ST7L: variants seen among roughly 807,000 people sequenced by gnomAD.
ST7L encodes suppressor of tumorigenicity 7 protein-like.
Under a neutral mutation model 72.5 loss-of-function variants are expected in ST7L, and 57 were observed. The ratio of observed to expected loss-of-function variants is 0.79; its 90% CI spans 0.64 to 0.98. ST7L has a LOEUF of 0.98. ST7L is among the 50% of genes least tolerant of loss of function. The pLI, the probability that ST7L is intolerant of heterozygous loss-of-function variation, is 0.00. For synonymous variants in ST7L, 221 were observed against 240.9 expected, an observed-to-expected ratio of 0.92 and a Z score of 0.77; for missense variants, 576 against 672.2, an observed-to-expected ratio of 0.86 and a Z score of 1.58.
chr1:112,519,584 C>G (rs1264204203), downstream of ST7L, among the ~76,000 whole-genome samples: 1 of 152,058 alleles, frequency 6.6e-6, no homozygotes, highest in Non-Finnish European at 1.5e-5. Flanking sequence ...AAAACATGAT[C>G]CCTATCCTAG....
chr1:112,604,177 C>T (rs562482190), intron 3 of ST7L, among the ~76,000 whole-genome samples: 3 of 152,142 alleles, frequency 2.0e-5, no homozygotes, highest in East Asian at 1.9e-4. Context: ...GGTATGGTGG[C>T]GCATGCTTGT....
chr1:112,584,266 T>C lies in ST7L; in HGVS notation c.702-140A>G, dbSNP rs1028886699. ...GAAAAAAAAAAACCTTCGTTCAATA[T>C]TTTACCTTAATAGGGGCACATTGGT... is the stretch of plus-strand genomic sequence containing the variant. On this transcript the variant is annotated intron_variant, in intron 6 of 14. Coordinates refer to ENST00000358039, the MANE Select transcript of ST7L (RefSeq NM_017744.5). The C allele has an allele frequency of 1.1e-5, 9 of 848,008 alleles. No homozygotes were observed. The East Asian group carries it at 2.6e-4, about 25-fold the overall frequency. The allele number at this position is 848,008 out of a possible 1,614,324, so 52.5% of individuals were successfully genotyped here. A position where few individuals can be genotyped will look rare whatever the true frequency, so the allele number is the denominator to read the frequency against.
intron 3 of ST7L, among the ~76,000 whole-genome samples, chr1:112,608,393 G>A (rs949803458): frequency 6.6e-6 from 1 of 151,858 alleles, no homozygotes; most frequent in Non-Finnish European, 1.5e-5. Flanking sequence ...AAGAATAACT[G>A]ACCACTCTTT....
upstream of ST7L, chr1:112,619,579 A>G: frequency 1.9e-6 from 1 of 534,024 alleles, no homozygotes; most frequent in Admixed American, 3.6e-5. Flanking sequence ...ACACGCTGCC[A>G]GCGCCCATTA....
At chr1:112,551,189 C>T (rs531856746) in intron 12 of ST7L, among the ~76,000 whole-genome samples, 6 of 125,238 alleles carry the variant, frequency 4.8e-5, no homozygotes, top group African/African-American at 6.4e-5. Context: ...TGCTCTGTTG[C>T]CCAGGCTGGA....
At chr1:112,599,664 T>C (rs937251028) in intron 4 of ST7L, among the ~76,000 whole-genome samples, 1 of 152,210 alleles carries the variant, frequency 6.6e-6, no homozygotes, top group Non-Finnish European at 1.5e-5. Flanking sequence ...TATTTTCTAA[T>C]GCATCCTCAA....
chr1:112,540,841 G>C (rs1481585263), intron 14 of ST7L: 10 of 1,288,892 alleles, frequency 7.8e-6, no homozygotes, highest in Non-Finnish European at 1.0e-5. Flanking sequence ...TAATTAATCA[G>C]CATTTTCTTT....
chr1:112,569,382 T>G (rs1342690230), intron 11 of ST7L, among the ~76,000 whole-genome samples: 1 of 152,134 alleles, frequency 6.6e-6, no homozygotes, highest in Non-Finnish European at 1.5e-5. Flanking sequence ...AGCCATAAAA[T>G]GAAGGAAGTA....
At chr1:112,583,456 A>C (rs1029119094) in intron 7 of ST7L, among the ~76,000 whole-genome samples, 6 of 152,332 alleles carry the variant, frequency 3.9e-5, no homozygotes, top group Middle Eastern at 3.4e-3. Flanking sequence ...ATCATGGAGA[A>C]AAATCAACCA....
chr1:112,542,240 A>G, intron 13 of ST7L, 150 bp from the exon 14 acceptor site: 1 of 739,630 alleles, frequency 1.4e-6, no homozygotes, highest in Non-Finnish European at 2.1e-6. Flanking sequence ...GAAGACAGTT[A>G]TCCATTATTT....
intron 3 of ST7L, among the ~76,000 whole-genome samples, chr1:112,602,083 CA>C (rs71584754): frequency 0.058 from 5,142 of 88,532 alleles, 113 homozygotes; most frequent in African/African-American, 0.14. Context: ...AAACTCCATC[CA>C]AAAAAAAAAA....
chr1:112,563,993 G>T (rs987334832), intron 11 of ST7L, among the ~76,000 whole-genome samples: 6 of 152,160 alleles, frequency 3.9e-5, no homozygotes, highest in Non-Finnish European at 7.3e-5. Flanking sequence ...CTCTTGATCA[G>T]TCATGCACAC....
At chr1:112,517,976 ACCAAT>A in the ST7L span, 1 of 152,756 alleles carries the variant, frequency 6.5e-6, no homozygotes, top group African/African-American at 2.4e-5. Flanking sequence ...CAGAGAACAG[ACCAAT>A]CTGCTGGGTA....
chr1:112,616,827 A>AT lies in ST7L; in HGVS notation c.273dup (p.Ser92IlefsTer8), dbSNP rs777329439. 6.2e-7 allele frequency: 1 copy of AT among 1,601,658 alleles called. No homozygotes were observed. The highest frequency in any genetic ancestry group is 1.7e-5 in the Admixed American group (1 of 57,988). Reference sequence around the variant, plus strand: ...AAACTACTTACAAATATTAGTCCTGATATCAATGAAGAGGTCCCTGTAAGT... The same window carrying AT: ...AAACTACTTACAAATATTAGTCCTGATTATCAATGAAGAGGTCCCTGTAAGT... On this transcript the variant is annotated frameshift_variant, in exon 2 of 15. Transcript: ENST00000358039. LOFTEE classifies it high-confidence loss of function.
chr1:112,618,820 G>T, intron 1 of ST7L, 89 bp downstream of exon 1: 1 of 1,507,306 alleles, frequency 6.6e-7, no homozygotes, highest in Non-Finnish European at 8.9e-7. Context: ...AGGCCCTCTA[G>T]GACTACCGAG....
chr1:112,548,345 C>T (rs188639944), intron 13 of ST7L, among the ~76,000 whole-genome samples: 28 of 152,116 alleles, frequency 1.8e-4, no homozygotes, highest in Admixed American at 9.2e-4. Context: ...GCAACAAGGA[C>T]GGAAACTCCA....
intron 10 of ST7L, among the ~76,000 whole-genome samples, chr1:112,577,717 T>G (rs1315917998): frequency 6.6e-6 from 1 of 152,054 alleles, no homozygotes; most frequent in Non-Finnish European, 1.5e-5. Context: ...GAGAATCTCA[T>G]GAAATAGCAG....
At chr1:112,604,257 C>T (rs979215386) in intron 3 of ST7L, among the ~76,000 whole-genome samples, 2 of 151,882 alleles carry the variant, frequency 1.3e-5, no homozygotes, top group Non-Finnish European at 2.9e-5. Flanking sequence ...TGCAGTGAGC[C>T]GAAATGGTGC....
chr1:112,590,419 A>G (rs574880833), intron 6 of ST7L, among the ~76,000 whole-genome samples: 2 of 152,228 alleles, frequency 1.3e-5, no homozygotes, highest in South Asian at 4.1e-4. Context: ...ATTAGTTTCC[A>G]GAGTTTTAAT....
Sources: gnomAD v4.1 joint callset for allele counts (sites outside exome capture counted in the v4.1 genomes callset) on GRCh38, gnomAD v4.1.1 for gene constraint, MANE v1.5 for transcripts, NCBI Gene and HGNC (gene_info 2026-07-23, HGNC 2026-07-21) for gene names.